DOCK1: variants seen among roughly 807,000 people sequenced by gnomAD.
DOCK1 encodes the protein dedicator of cytokinesis protein 1.
A neutral mutation model predicts 262.7 loss-of-function variants in DOCK1; 138 were observed. That is an observed-to-expected ratio of 0.53 (90% confidence interval 0.46 to 0.61). The LOEUF is 0.61. Ranked by LOEUF, DOCK1 falls within the 20% of genes least tolerant of loss-of-function variation. The pLI is 0.00. For missense variants in DOCK1, 1,908 were observed against 2,370.7 expected, an observed-to-expected ratio of 0.80 and a Z score of 4.05; for synonymous variants, 866 against 867.4, an observed-to-expected ratio of 1.00 and a Z score of 0.03.
At chr10:126,954,422 G>T (rs1022441046) in intron 1 of DOCK1, among the ~76,000 whole-genome samples, 1 of 152,186 alleles carries the variant, frequency 6.6e-6, no homozygotes, top group African/African-American at 2.4e-5. Flanking sequence ...CTTTATTGTG[G>T]CAAGATATAT....
At chr10:127,125,172 A>C (rs1408008993) in intron 25 of DOCK1, among the ~76,000 whole-genome samples, 1 of 152,212 alleles carries the variant, frequency 6.6e-6, no homozygotes, top group Non-Finnish European at 1.5e-5. Context: ...GTCTGCATTT[A>C]TGTGCACACA....
chr10:127,099,294 A>G (rs2048094724), intron 23 of DOCK1, among the ~76,000 whole-genome samples: 1 of 152,208 alleles, frequency 6.6e-6, no homozygotes, highest in Non-Finnish European at 1.5e-5. Context: ...GCAGACTGAA[A>G]TAGTCTCTGT....
At chr10:127,298,180 C>T (rs1484795285) in intron 29 of DOCK1, among the ~76,000 whole-genome samples, 1 of 152,156 alleles carries the variant, frequency 6.6e-6, no homozygotes, top group Non-Finnish European at 1.5e-5. Context: ...ATGCCATGTT[C>T]TGTAACCTTA....
At chr10:127,003,159 C>T (rs1313326445) in intron 10 of DOCK1, among the ~76,000 whole-genome samples, 4 of 150,948 alleles carry the variant, frequency 2.6e-5, no homozygotes, top group Admixed American at 6.6e-5. Flanking sequence ...TGTGAAACTG[C>T]GTGAACCTGT....
At chr10:127,254,078 G>A (rs1187551226) in intron 28 of DOCK1, among the ~76,000 whole-genome samples, 11 of 151,958 alleles carry the variant, frequency 7.2e-5, no homozygotes. Flanking sequence ...TTCTCTATTG[G>A]TCATATTGCT....
At chr10:127,277,428 G>C (rs1383944272) in intron 29 of DOCK1, among the ~76,000 whole-genome samples, 1 of 152,018 alleles carries the variant, frequency 6.6e-6, no homozygotes, top group Non-Finnish European at 1.5e-5. Context: ...ATGAGTGTTT[G>C]CCTTCGTTTT....
At chr10:127,140,711 G>C (rs573619916) in intron 27 of DOCK1, among the ~76,000 whole-genome samples, 7 of 152,316 alleles carry the variant, frequency 4.6e-5, no homozygotes, top group Middle Eastern at 3.4e-3. Flanking sequence ...GGAGGAGGCA[G>C]CATCAGAAGG....
intron 40 of DOCK1, 99 bp downstream of exon 40, chr10:127,404,528 G>GA (rs1565065091): frequency 6.0e-6 from 7 of 1,161,544 alleles, no homozygotes; most frequent in Non-Finnish European, 8.8e-6. Flanking sequence ...ATCCGCGTGG[G>GA]ATCGTGCAAC....
At chr10:127,415,378 A>C in intron 44 of DOCK1, 140 bp downstream of exon 44, 2 of 717,110 alleles carry the variant, frequency 2.8e-6, no homozygotes. Flanking sequence ...TAACCACCCC[A>C]CCTGTTCTTG....
chr10:127,109,073 A>G (rs2048714749), intron 24 of DOCK1, among the ~76,000 whole-genome samples: 1 of 152,202 alleles, frequency 6.6e-6, no homozygotes, highest in South Asian at 2.1e-4. Context: ...CCTATTTTAT[A>G]TCATTAGGAT....
intron 29 of DOCK1, among the ~76,000 whole-genome samples, chr10:127,307,571 C>T (rs1280146718): frequency 1.3e-5 from 2 of 152,208 alleles, no homozygotes; most frequent in East Asian, 1.9e-4. Flanking sequence ...TGATCCTTCC[C>T]GGGCCTGGCC....
chr10:127,379,092 C>T (rs1411327148), intron 35 of DOCK1, among the ~76,000 whole-genome samples: 1 of 152,200 alleles, frequency 6.6e-6, no homozygotes, highest in Non-Finnish European at 1.5e-5. Flanking sequence ...AGAGGGCTAA[C>T]ATCATTTTTA....
In DOCK1 at chr10:127,027,335, C is replaced by T. The variant is rs1203880336; in HGVS notation, c.1624+911C>T. 2.6e-5 allele frequency among the ~76,000 whole-genome samples: 4 copies of T among 152,224 alleles called. No individual in the cohort carries two copies. In the East Asian group the frequency reaches 7.7e-4, roughly 29 times the overall value. On this transcript the variant is annotated intron_variant, in intron 16 of 51. Coordinates refer to ENST00000623213, the MANE Select transcript of DOCK1 (RefSeq NM_001290223.2). ...TTCTGGCTGGTGCCGTGGCTCACAC[C>T]TGTAATCCCAGAACTTTGGGAAGCC...
Position 127,437,528 on chromosome 10 carries a change from C to T in DOCK1, c.5061-1499C>T, listed in dbSNP as rs2069778126. Among the ~76,000 whole-genome samples the T allele has an allele frequency of 6.6e-6, 1 of 150,498 alleles. No homozygotes were observed. The highest frequency in any genetic ancestry group is 2.4e-5 in the African/African-American group (1 of 41,074). On this transcript the variant is annotated intron_variant, in intron 48 of 51. Transcript: ENST00000623213. The surrounding 1 kb of genome is among the most constrained non-coding windows in gnomAD (Gnocchi z 4.4). Reference sequence around the variant, plus strand: ...ACAGGATCTGGCTCTGTCACCCAGGCTGTGCAATGGCACAGTCTTGGCTCA... The same window carrying T: ...ACAGGATCTGGCTCTGTCACCCAGGTTGTGCAATGGCACAGTCTTGGCTCA...
At chr10:127,240,481 C>T (rs2059225946) in intron 27 of DOCK1, among the ~76,000 whole-genome samples, 1 of 152,040 alleles carries the variant, frequency 6.6e-6, no homozygotes, top group South Asian at 2.1e-4. Flanking sequence ...TGAGAATGGA[C>T]ACCCATTTTC....
At chr10:127,435,797 C>T (rs775705161) in intron 48 of DOCK1, among the ~76,000 whole-genome samples, 1 of 152,130 alleles carries the variant, frequency 6.6e-6, no homozygotes, top group Non-Finnish European at 1.5e-5. Context: ...GGGTTACCAC[C>T]CTTTGCTAGC....
chr10:127,406,715 G>A (rs2067536647), intron 40 of DOCK1, among the ~76,000 whole-genome samples: 1 of 152,156 alleles, frequency 6.6e-6, no homozygotes, highest in South Asian at 2.1e-4. Flanking sequence ...TTGACTATAT[G>A]TACATTTCCC....
chr10:127,108,383 C>T (rs189328672), intron 24 of DOCK1, among the ~76,000 whole-genome samples: 45 of 152,144 alleles, frequency 3.0e-4, no homozygotes, highest in African/African-American at 8.0e-4. Flanking sequence ...GTCAGGAATT[C>T]GAGACCAACC....
At position 127,032,120 on chromosome 10, in the gene DOCK1, C is replaced by T. The variant is rs562976276; in HGVS notation, c.1729-17C>T. ...TTTGTGAATTGCCTTTGACATACGG[C>T]ATGACTAAATCCACAGGCCGAAGCA... On this transcript the variant is annotated splice_polypyrimidine_tract_variant and intron_variant, in intron 17 of 51. Transcript: ENST00000623213. The T allele has an allele frequency of 1.9e-6, 3 of 1,575,756 alleles. No individual in the cohort carries two copies. The highest frequency in any genetic ancestry group is 2.3e-5 in the South Asian group (2 of 85,680).
Sources: allele counts gnomAD v4.1 joint callset (sites outside exome capture counted in the v4.1 genomes callset), GRCh38; gene constraint gnomAD v4.1.1; non-coding constraint Gnocchi (gnomAD v3.1); transcripts MANE v1.5; gene names NCBI Gene and HGNC (gene_info 2026-07-23, HGNC 2026-07-21).